XKR6: variants seen among roughly 807,000 people sequenced by gnomAD.
XKR6 encodes the protein XK-related protein 6.
XKR6 carries 22 observed loss-of-function variants against 56.7 expected under a neutral mutation model. That is an observed-to-expected ratio of 0.39 (90% CI 0.28 to 0.55). The LOEUF is 0.55. Among genes scored for constraint, XKR6 ranks in the 20% least tolerant of loss-of-function variants. The pLI is 0.66. For synonymous variants in XKR6, 524 were observed against 387.8 expected (o/e 1.35, Z -4.13); for missense variants, 852 against 889.0 (o/e 0.96, Z 0.53).
intron 1 of XKR6, among the ~76,000 whole-genome samples, chr8:11,050,015 G>A (rs1431052412): frequency 6.6e-6 from 1 of 152,092 alleles, no homozygotes; most frequent in Admixed American, 6.6e-5. Context: ...CAGAGATCTC[G>A]CATTTCCACT....
At chr8:11,028,613 T>G (rs1798922695) in intron 1 of XKR6, among the ~76,000 whole-genome samples, 1 of 152,204 alleles carries the variant, frequency 6.6e-6, no homozygotes, top group African/African-American at 2.4e-5. Context: ...TTGTAGGAGC[T>G]CCACCTTTCT....
At chr8:11,015,429 G>A (rs1040903938) in intron 1 of XKR6, among the ~76,000 whole-genome samples, 2 of 152,078 alleles carry the variant, frequency 1.3e-5, no homozygotes, top group African/African-American at 2.4e-5. Context: ...GTGTCTAAAC[G>A]CACTGGAGGC....
intron 1 of XKR6, among the ~76,000 whole-genome samples, chr8:11,051,788 A>G (rs1799555397): frequency 6.6e-6 from 1 of 152,158 alleles, no homozygotes; most frequent in Non-Finnish European, 1.5e-5. Flanking sequence ...AAAGCCCTCC[A>G]ATAGCTTAGC....
At chr8:11,018,432 G>A (rs1190406507) in intron 1 of XKR6, among the ~76,000 whole-genome samples, 6 of 152,204 alleles carry the variant, frequency 3.9e-5, no homozygotes, top group African/African-American at 1.4e-4. Context: ...TGGCAAGAGA[G>A]GGAGGCCAGA....
At chr8:11,170,033 C>T (rs1261268287) in intron 1 of XKR6, among the ~76,000 whole-genome samples, 1 of 152,138 alleles carries the variant, frequency 6.6e-6, no homozygotes, top group Non-Finnish European at 1.5e-5. Flanking sequence ...CAACTCCTAG[C>T]TGGATCTGAC....
intron 1 of XKR6, among the ~76,000 whole-genome samples, chr8:11,110,724 T>A (rs1010715690): frequency 6.6e-6 from 1 of 152,178 alleles, no homozygotes; most frequent in African/African-American, 2.4e-5. Flanking sequence ...TTTCTGACTT[T>A]CCTATCAAAT....
intron 1 of XKR6, among the ~76,000 whole-genome samples, chr8:11,157,234 A>T (rs561788198): frequency 6.6e-6 from 1 of 152,280 alleles, no homozygotes; most frequent in East Asian, 1.9e-4. Context: ...CATGACAACA[A>T]AACGCAAGAT....
chr8:11,151,864 T>C (rs1801286921), intron 1 of XKR6, among the ~76,000 whole-genome samples: 1 of 152,108 alleles, frequency 6.6e-6, no homozygotes, highest in Non-Finnish European at 1.5e-5. Flanking sequence ...CCTGTACTCA[T>C]ACTACAATTT....
At chr8:10,977,907 G>A (rs539638070) in intron 1 of XKR6, among the ~76,000 whole-genome samples, 93 of 152,086 alleles carry the variant, frequency 6.1e-4, no homozygotes, top group Middle Eastern at 3.4e-3. Flanking sequence ...CGTTATCTTG[G>A]CAACTGGTGG....
intron 1 of XKR6, among the ~76,000 whole-genome samples, chr8:11,118,987 TGA>T (rs1199698747): frequency 6.6e-6 from 1 of 152,148 alleles, no homozygotes; most frequent in East Asian, 1.9e-4. Flanking sequence ...TGAATGTCTC[TGA>T]GAGATTCTGG....
Position 10,945,228 on chromosome 8 carries a change from A to G in XKR6, c.765-20398T>C, listed in dbSNP as rs373734719. 2.0e-5 allele frequency among the ~76,000 whole-genome samples: 3 copies of G among 152,336 alleles called. No individual in the cohort carries two copies. The East Asian group carries it at 5.8e-4, about 29-fold the overall frequency. On this transcript the variant is annotated intron_variant, in intron 1 of 2. Coordinates refer to ENST00000416569, the MANE Select transcript of XKR6 (RefSeq NM_173683.4). ...GTTGCGCACGGTGGCTCATACCTGC[A>G]GTCCCAGCACTTTGGGAGGCCAAGG...
At chr8:11,036,132 G>C (rs1799137336) in intron 1 of XKR6, among the ~76,000 whole-genome samples, 1 of 151,884 alleles carries the variant, frequency 6.6e-6, no homozygotes, top group African/African-American at 2.4e-5. Flanking sequence ...AGTTTTTGTA[G>C]AGATGGGGTC....
intron 1 of XKR6, among the ~76,000 whole-genome samples, chr8:11,157,708 T>G (rs961655502): frequency 2.6e-5 from 4 of 152,114 alleles, no homozygotes; most frequent in African/African-American, 7.2e-5. Context: ...CTGGTAGAGA[T>G]GAAGGTCTCA....
intron 1 of XKR6, among the ~76,000 whole-genome samples, chr8:11,162,735 G>T (rs1236388895): frequency 1.3e-5 from 2 of 152,220 alleles, no homozygotes; most frequent in Non-Finnish European, 2.9e-5. Context: ...GTAAGGCACT[G>T]AACCTCCAGG....
intron 1 of XKR6, among the ~76,000 whole-genome samples, chr8:10,959,762 T>C (rs912612931): frequency 6.6e-6 from 1 of 152,156 alleles, no homozygotes; most frequent in Non-Finnish European, 1.5e-5. Flanking sequence ...GCATCCAGTA[T>C]TGGAAAAGAC....
intron 2 of XKR6, among the ~76,000 whole-genome samples, chr8:10,901,066 T>C (rs1800024137): frequency 1.3e-5 from 2 of 149,426 alleles, no homozygotes; most frequent in East Asian, 1.9e-4. Flanking sequence ...TTTTTTTTTT[T>C]TTTTTTTAAG....
chr8:10,957,345 G>A (rs1010995057), intron 1 of XKR6, among the ~76,000 whole-genome samples: 1 of 152,158 alleles, frequency 6.6e-6, no homozygotes, highest in Non-Finnish European at 1.5e-5. Flanking sequence ...GGCACAGCAG[G>A]TGGATGCAAG....
At chr8:11,121,893 G>C (rs1223490438) in intron 1 of XKR6, among the ~76,000 whole-genome samples, 1 of 152,168 alleles carries the variant, frequency 6.6e-6, no homozygotes, top group African/African-American at 2.4e-5. Context: ...TAGGGACGTG[G>C]ATGAAGCTGG....
At chr8:11,041,499 T>C (rs1246483025) in intron 1 of XKR6, among the ~76,000 whole-genome samples, 1 of 151,464 alleles carries the variant, frequency 6.6e-6, no homozygotes, top group Non-Finnish European at 1.5e-5. Flanking sequence ...GGGGCTGCAG[T>C]GAGTCAAGAT....
Sources: gnomAD v4.1 joint callset for allele counts (sites outside exome capture counted in the v4.1 genomes callset) on GRCh38, gnomAD v4.1.1 for gene constraint, MANE v1.5 for transcripts, NCBI Gene and HGNC (gene_info 2026-07-23, HGNC 2026-07-21) for gene names.